Variants in EFCC1 observed in about 807,000 individuals in gnomAD.
EFCC1 encodes the protein EF-hand and coiled-coil domain containing 1.
In EFCC1, 50 loss-of-function variants were observed where a neutral mutation model predicts 52.1. The ratio of observed to expected loss-of-function variants is 0.96; its 90% confidence interval spans 0.76 to 1.21. EFCC1 has a LOEUF of 1.21. EFCC1 is among the 50% of genes most tolerant of loss of function. The probability of loss-of-function intolerance (pLI) is 0.00; values close to 1 mark genes in which losing one functional copy is unlikely to be tolerated. For synonymous variants in EFCC1, 399 were observed against 396.5 expected (o/e 1.01, Z -0.08); for missense variants, 837 against 867.3 (o/e 0.97, Z 0.44).
chr3:129,003,098 G>A (rs757014854), intron 1 of EFCC1, among the ~76,000 whole-genome samples: 4 of 152,210 alleles, frequency 2.6e-5, no homozygotes, highest in Non-Finnish European at 4.4e-5. Context: ...GGAAGAAACT[G>A]ACATTATATG....
chr3:129,011,550 C>CAAAAAAA (rs1201411639), intron 2 of EFCC1, among the ~76,000 whole-genome samples: 293 of 93,512 alleles, frequency 3.1e-3, no homozygotes, highest in African/African-American at 0.01. Flanking sequence ...GACTCCGTCT[C>CAAAAAAA]AAAAAAAAAA....
rs1300948117 is a variant in EFCC1 at position 129,030,834 on chromosome 3, GC to G, written c.1113del (p.Ser372LeufsTer68). The G allele has an allele frequency of 1.9e-6, 3 of 1,551,398 alleles. No homozygotes were observed. Among genetic ancestry groups the G allele is most frequent in the Non-Finnish European group, 2.6e-6 (3 of 1,146,830 alleles). On this transcript the variant is annotated frameshift_variant, in exon 3 of 8. Coordinates refer to ENST00000683648, the MANE Select transcript of EFCC1 (RefSeq NM_001377500.1). LOFTEE classifies it high-confidence loss of function. ...GAGGGAGCCTGGCAGTCAGACAGCA[GC>G]TCTGGAAGCAGAGCCCTGGATGAAG... Reference protein sequence around the residue: ...TPEGAWQSDSSSGSRALDEAV... With the variant: ...TPEGAWQSDSXSGSRALDEAV...
Position 129,010,509 on chromosome 3 carries a change from AG to A in EFCC1, c.980+6437del, listed in dbSNP as rs1945276661. Among the ~76,000 whole-genome samples the A allele has an allele frequency of 1.4e-5, 1 of 70,388 alleles. No homozygotes were observed. The highest frequency in any genetic ancestry group is 2.8e-5 in the Non-Finnish European group (1 of 35,252). 46.2% of individuals were successfully genotyped at this position (70,388 alleles called of 152,430 possible). ...GGGTGAAAAGGCTGGGATGGAGGAA[AG>A]GGGGTGGGAGAGGGAGGGAGGAGGG... is the stretch of plus-strand genomic sequence containing the variant. On this transcript the variant is annotated intron_variant, in intron 2 of 7. Coordinates refer to ENST00000683648, the MANE Select transcript of EFCC1 (RefSeq NM_001377500.1). The surrounding 1 kb of genome is among the most constrained non-coding windows in gnomAD (Gnocchi z 4.3).
intron 2 of EFCC1, among the ~76,000 whole-genome samples, chr3:129,029,886 TA>T (rs1217319429): frequency 2.1e-3 from 301 of 140,598 alleles, no homozygotes; most frequent in Middle Eastern, 7.1e-3. Flanking sequence ...TTTAAAAAAT[TA>T]AAAAAAAAAA....
rs1944737941 is a variant in EFCC1 at position 129,001,418 on chromosome 3, G to A, written c.-211G>A. On this transcript the variant is annotated 5_prime_UTR_variant, in exon 1 of 8. Transcript: ENST00000683648. ...CGCTGCCGGGGTCCCGGGGGTTCCT[G>A]GACCCCCTACCCCAGGCCCCTCCAA... Among the ~76,000 whole-genome samples, 1 of 152,226 alleles carries A rather than the reference G, an allele frequency of 6.6e-6. No individual in the cohort carries two copies. Among genetic ancestry groups the A allele is most frequent in the South Asian group, 2.1e-4 (1 of 4,838 alleles).
chr3:129,034,038 G>C, intron 4 of EFCC1, 126 bp from the exon 5 acceptor site: 1 of 1,167,264 alleles, frequency 8.6e-7, no homozygotes, highest in Non-Finnish European at 1.2e-6. Flanking sequence ...GTACTGGGCA[G>C]GCAGGTGCCG....
Position 129,002,032 on chromosome 3 carries a change from C to T in EFCC1, c.404C>T (p.Ala135Val). 6.5e-7 allele frequency: 1 copy of T among 1,544,184 alleles called. No individual in the cohort carries two copies. The highest frequency in any genetic ancestry group is 8.7e-7 in the Non-Finnish European group (1 of 1,144,670). Residue 135 changes from alanine to valine, a missense_variant, in exon 1 of 8, where the codon GCC becomes GTC. Physicochemically the swap from Ala to Val is moderately conservative, Grantham distance 64. Coordinates refer to ENST00000683648, the MANE Select transcript of EFCC1 (RefSeq NM_001377500.1). ...GAAGAGGCGCGCCTGGCGCTGCGCGCCGAGCCGCCGGAGCTCACCTTCCGC... is the reference window on the plus strand; with the variant it reads ...GAAGAGGCGCGCCTGGCGCTGCGCGTCGAGCCGCCGGAGCTCACCTTCCGC... Reference protein sequence around the residue: ...TDEEARLALRAEPPELTFRQF... With the variant: ...TDEEARLALRVEPPELTFRQF...
chr3:129,007,664 G>C (rs1945133587), intron 2 of EFCC1, among the ~76,000 whole-genome samples: 1 of 152,184 alleles, frequency 6.6e-6, no homozygotes, highest in Admixed American at 6.5e-5. Context: ...GTTGGGAGTG[G>C]TTTTACTAAA....
At chr3:129,034,557 AGC>A (rs1311376321) in intron 5 of EFCC1, among the ~76,000 whole-genome samples, 1 of 152,176 alleles carries the variant, frequency 6.6e-6, no homozygotes, top group Non-Finnish European at 1.5e-5. Context: ...TGGAACATGG[AGC>A]TGAGAAGAAG....
At chr3:129,018,586 A>G (rs1298422051) in intron 2 of EFCC1, among the ~76,000 whole-genome samples, 2 of 152,180 alleles carry the variant, frequency 1.3e-5, no homozygotes, top group Non-Finnish European at 2.9e-5. Context: ...TGGCATAAGT[A>G]TGCCAGCCCT....
intron 2 of EFCC1, among the ~76,000 whole-genome samples, chr3:129,017,656 A>C (rs1945648805): frequency 6.6e-6 from 1 of 152,056 alleles, no homozygotes; most frequent in Non-Finnish European, 1.5e-5. Flanking sequence ...TCCTTCTCAC[A>C]CTTCACATCT....
intron 2 of EFCC1, among the ~76,000 whole-genome samples, chr3:129,007,392 C>T (rs1576708051): frequency 6.6e-6 from 1 of 152,178 alleles, no homozygotes; most frequent in Non-Finnish European, 1.5e-5. Context: ...CCCATCACAC[C>T]CTCTTAAGTG....
At chr3:129,038,772 C>T (rs889194523) in intron 6 of EFCC1, 59 bp from the exon 7 acceptor site, 31 of 1,560,170 alleles carry the variant, frequency 2.0e-5, no homozygotes, top group Admixed American at 1.8e-4. Flanking sequence ...CAGTTCCCAT[C>T]GGCTGAACAG....
intron 2 of EFCC1, among the ~76,000 whole-genome samples, chr3:129,028,837 T>C (rs1378462552): frequency 6.6e-6 from 1 of 151,648 alleles, no homozygotes; most frequent in African/African-American, 2.4e-5. Context: ...GAGATGGGGT[T>C]TCACCATGTT....
chr3:129,032,943 C>T lies in EFCC1; in HGVS notation c.1263C>T (p.Ala421=). 6.5e-7 allele frequency: 1 copy of T among 1,546,710 alleles called. No individual in the cohort carries two copies. The highest frequency in any genetic ancestry group is 8.7e-7 in the Non-Finnish European group (1 of 1,144,314). Residue 421 remains alanine, a synonymous_variant, in exon 4 of 8, where the codon GCC becomes GCT. Coordinates refer to ENST00000683648, the MANE Select transcript of EFCC1 (RefSeq NM_001377500.1). ...TPAAEAKTLL[A]RLSSCRGRCD... The stretch of plus-strand genomic sequence containing the variant: ...CAGCCGAGGCCAAGACACTGCTGGC[C>T]CGGCTCTCCAGCTGCAGAGGCAGGT...
chr3:129,001,671 G>A lies in EFCC1; in HGVS notation c.43G>A (p.Ala15Thr), dbSNP rs751195044. The A allele has an allele frequency of 6.9e-6, 10 of 1,445,244 alleles. No individual in the cohort carries two copies. The highest frequency in any genetic ancestry group is 1.5e-5 in the African/African-American group (1 of 67,302). 89.5% of individuals were successfully genotyped at this position (1,445,244 alleles called of 1,614,324 possible). A position where few individuals can be genotyped will look rare whatever the true frequency, so the allele number is the denominator to read the frequency against. ...STGAEAGMEG[A>T]GGDPYRRPAR... ...GGGCGCGGAGGCCGGCATGGAGGGC[G>A]CGGGAGGTGACCCGTACCGGCGACC... Residue 15 changes from alanine (A) to threonine (T), a missense_variant, in exon 1 of 8, where the codon GCG (alanine) becomes ACG (threonine). By Grantham distance (58) the Ala-to-Thr change is moderately conservative. Coordinates refer to ENST00000683648, the MANE Select transcript of EFCC1 (RefSeq NM_001377500.1).
chr3:129,026,353 T>C (rs1013729297), intron 2 of EFCC1, among the ~76,000 whole-genome samples: 2 of 152,190 alleles, frequency 1.3e-5, no homozygotes, highest in African/African-American at 4.8e-5. Context: ...TTAAATGATT[T>C]AGGGAATAGA....
At chr3:129,032,729 C>T in intron 3 of EFCC1, 90 bp from the exon 4 acceptor site, 1 of 1,477,904 alleles carries the variant, frequency 6.8e-7, no homozygotes, top group East Asian at 2.5e-5. Flanking sequence ...AAGAGCCCTC[C>T]CCTGGGGCTG....
At chr3:129,009,089 T>C (rs1313302290) in intron 2 of EFCC1, among the ~76,000 whole-genome samples, 1 of 152,188 alleles carries the variant, frequency 6.6e-6, no homozygotes, top group Non-Finnish European at 1.5e-5. Flanking sequence ...TCATAAAATG[T>C]CATTCAATCC....
Sources: gnomAD v4.1 joint callset for allele counts (sites outside exome capture counted in the v4.1 genomes callset) on GRCh38, gnomAD v4.1.1 for gene constraint, Gnocchi (gnomAD v3.1) non-coding constraint, MANE v1.5 for transcripts, NCBI Gene and HGNC (gene_info 2026-07-23, HGNC 2026-07-21) for gene names.